Variants in GPC3 observed in about 807,000 individuals in gnomAD.
GPC3 encodes the protein glypican 3.
GPC3 carries 3 observed loss-of-function variants against 34.4 expected under a neutral mutation model. That is an observed-to-expected ratio of 0.09 (90% CI 0.04 to 0.23). The LOEUF is 0.23. Ranked by LOEUF, GPC3 falls within the 10% of genes least tolerant of loss-of-function variation. The pLI is 1.00. For synonymous variants in GPC3, 177 were observed against 174.0 expected (o/e 1.02, Z -0.13); for missense variants, 351 against 445.6 (o/e 0.79, Z 1.91).
intron 1 of GPC3, among the ~76,000 whole-genome samples, chrX:133,970,010 C>CT (rs1178202024): frequency 1.8e-5 from 2 of 112,702 alleles, no homozygotes; most frequent in African/African-American, 6.4e-5. Flanking sequence ...ACTCAAGTGT[C>CT]TAACTCCTTT....
At chrX:133,958,787 G>A (rs912182556) in intron 1 of GPC3, among the ~76,000 whole-genome samples, 1 of 104,406 alleles carries the variant, frequency 9.6e-6, no homozygotes, top group Admixed American at 1.0e-4. Flanking sequence ...TCCGGAGGTT[G>A]AGGCACGAGA....
At chrX:133,596,028 G>A (rs112450627) in intron 7 of GPC3, among the ~76,000 whole-genome samples, 5,415 of 111,264 alleles carry the variant, frequency 0.049, 357 homozygotes, top group African/African-American at 0.17. Context: ...TTAAGTTCAG[G>A]GGTACATGTC....
At chrX:133,732,029 A>G (rs1183313411) in intron 3 of GPC3, among the ~76,000 whole-genome samples, 1 of 112,021 alleles carries the variant, frequency 8.9e-6, no homozygotes, top group African/African-American at 3.2e-5. Flanking sequence ...GGTGGACGTG[A>G]GATAGGGTTT....
intron 2 of GPC3, among the ~76,000 whole-genome samples, chrX:133,779,415 A>C (rs1345759538): frequency 3.6e-5 from 4 of 111,824 alleles, no homozygotes; most frequent in Non-Finnish European, 7.5e-5. Context: ...GTTCCTCCAC[A>C]TGCTAGTTGT....
intron 2 of GPC3, among the ~76,000 whole-genome samples, chrX:133,769,676 T>A (rs1358024703): frequency 8.9e-6 from 1 of 111,844 alleles, no homozygotes; most frequent in Non-Finnish European, 1.9e-5. Context: ...AGCTAAATTC[T>A]GAGGCTTAGC....
intron 7 of GPC3, among the ~76,000 whole-genome samples, chrX:133,588,050 G>T (rs1165296217): frequency 9.0e-6 from 1 of 111,472 alleles, no homozygotes; most frequent in Non-Finnish European, 1.9e-5. Flanking sequence ...ATGACGTGGG[G>T]TCGCTTGCAC....
intron 6 of GPC3, among the ~76,000 whole-genome samples, chrX:133,622,755 T>G (rs1250961803): frequency 9.0e-6 from 1 of 111,701 alleles, no homozygotes; most frequent in Non-Finnish European, 1.9e-5. Flanking sequence ...AGGATATTAT[T>G]CAGGAGAACT....
intron 2 of GPC3, among the ~76,000 whole-genome samples, chrX:133,777,344 T>C (rs1257330173): frequency 9.0e-6 from 1 of 110,746 alleles, no homozygotes; most frequent in East Asian, 2.8e-4. Flanking sequence ...TTATCTTCCC[T>C]GGACCTCTGG....
At chrX:133,627,311 TA>T (rs1044369413) in intron 6 of GPC3, among the ~76,000 whole-genome samples, 5 of 108,803 alleles carry the variant, frequency 4.6e-5, no homozygotes, top group African/African-American at 1.3e-4. Context: ...CTTAAAAGTA[TA>T]AAAAAAAAGA....
chrX:133,614,856 A>G (rs2070144756), intron 6 of GPC3, among the ~76,000 whole-genome samples: 1 of 111,629 alleles, frequency 9.0e-6, no homozygotes, highest in Admixed American at 9.5e-5. Context: ...ATCAAGAATG[A>G]AAGAGGGAAC....
chrX:133,860,741 A>G (rs1028258001), intron 2 of GPC3, among the ~76,000 whole-genome samples: 3 of 111,582 alleles, frequency 2.7e-5, no homozygotes, highest in Non-Finnish European at 5.6e-5. Flanking sequence ...AGAAGGTCCT[A>G]TGGAATCAAT....
intron 5 of GPC3, among the ~76,000 whole-genome samples, chrX:133,685,571 T>TAC (rs1272440221): frequency 1.0e-4 from 11 of 108,523 alleles, no homozygotes; most frequent in Non-Finnish European, 1.9e-4. Context: ...TGTGTGTGTA[T>TAC]ATATATATAT....
chrX:133,892,726 T>C (rs1334679228), intron 2 of GPC3, among the ~76,000 whole-genome samples: 1 of 110,402 alleles, frequency 9.1e-6, no homozygotes, highest in South Asian at 4.0e-4. Flanking sequence ...CGGAAGTTCC[T>C]GTGAGGAACT....
At chrX:133,843,548 T>C (rs189743659) in intron 2 of GPC3, among the ~76,000 whole-genome samples, 2 of 111,524 alleles carry the variant, frequency 1.8e-5, no homozygotes, top group East Asian at 5.6e-4. Context: ...TCTTTATAAA[T>C]TGCCCAGTCT....
rs771553323 is a variant in GPC3 at position 133,862,401 on chromosome X, C to T, written c.337+90649G>A. ...TCCTTTAAAAAAAAAAAAATAGTGG[C>T]CGGGTGTGGTGGCTCACGCCTGTAA... On this transcript the variant is annotated intron_variant, in intron 2 of 7. Transcript: ENST00000370818. Among the ~76,000 whole-genome samples the T allele has an allele frequency of 1.5e-4, 16 of 109,071 alleles. No homozygotes were observed. The South Asian group carries it at 5.7e-3, about 39-fold the overall frequency. 94.7% of individuals were successfully genotyped at this position (109,071 alleles called of 115,157 possible).
intron 6 of GPC3, among the ~76,000 whole-genome samples, chrX:133,646,181 T>A (rs1467955105): frequency 9.2e-6 from 1 of 108,633 alleles, no homozygotes; most frequent in Non-Finnish European, 1.9e-5. Context: ...GGACTGATGG[T>A]GAAGCAAAGC....
chrX:133,936,646 G>T (rs774396900), intron 2 of GPC3, among the ~76,000 whole-genome samples: 6 of 111,960 alleles, frequency 5.4e-5, no homozygotes, highest in Non-Finnish European at 9.4e-5. Context: ...ATAAAGCCCA[G>T]ACATTTTCAT....
intron 2 of GPC3, among the ~76,000 whole-genome samples, chrX:133,835,611 C>G (rs1189230445): frequency 1.8e-5 from 2 of 111,801 alleles, no homozygotes; most frequent in Non-Finnish European, 3.8e-5. Flanking sequence ...CTTCAGGATA[C>G]AGTACAATTG....
intron 5 of GPC3, among the ~76,000 whole-genome samples, chrX:133,685,757 G>GTTT (rs754793187): frequency 2.1e-5 from 2 of 95,472 alleles, no homozygotes; most frequent in African/African-American, 3.8e-5. Context: ...TCATAACATA[G>GTTT]TTTTTTTTTT....
Sources: allele counts gnomAD v4.1 joint callset (sites outside exome capture counted in the v4.1 genomes callset), GRCh38; gene constraint gnomAD v4.1.1; transcripts MANE v1.5; gene names NCBI Gene and HGNC (gene_info 2026-07-23, HGNC 2026-07-21).